The following PPP2R2C variants were observed in gnomAD, a reference collection of about 807,000 sequenced individuals.
The protein encoded by PPP2R2C is protein phosphatase 2 regulatory subunit Bgamma.
Under a neutral mutation model 45.3 loss-of-function variants are expected in PPP2R2C, and 10 were observed. The ratio of observed to expected loss-of-function variants is 0.22; its 90% CI spans 0.14 to 0.37. The LOEUF (loss-of-function observed/expected upper bound fraction) is 0.37. Ranked by LOEUF, PPP2R2C falls within the 10% of genes least tolerant of loss-of-function variation. PPP2R2C has a pLI of 1.00. For missense variants in PPP2R2C, 308 were observed against 619.7 expected (o/e 0.50, Z 5.34); for synonymous variants, 257 against 245.4 (o/e 1.05, Z -0.44).
rs564284897 is a variant in PPP2R2C at position 6,391,741 on chromosome 4, G to A, written c.71-10647C>T. Among the ~76,000 whole-genome samples the A allele has an allele frequency of 1.1e-3, 161 of 152,308 alleles. 1 individual carries two copies. Among genetic ancestry groups the A allele is most frequent in the African/African-American group, 3.7e-3 (153 of 41,572 alleles). ...CCGACACAGTGACCCTTGGGGGAGC[G>A]GCAGCAGGGGAAGCCCTGGGTGGGG... On this transcript the variant is annotated intron_variant, in intron 1 of 8. Coordinates refer to ENST00000382599, the MANE Select transcript of PPP2R2C (RefSeq NM_020416.4).
rs565679477 is a variant in PPP2R2C, at chr4:6,470,803, G to A, written c.70+1357C>T. Among the ~76,000 whole-genome samples the A allele has an allele frequency of 2.2e-4, 33 of 152,218 alleles. No homozygotes were observed. The South Asian group carries it at 6.8e-3, about 32-fold the overall frequency. On this transcript the variant is annotated intron_variant, in intron 1 of 8. Coordinates refer to ENST00000382599, the MANE Select transcript of PPP2R2C (RefSeq NM_020416.4). ...CAGAGCCCCACCGGCCCGGAGGCCC[G>A]GGCAGCCCTGCCCCTCTCTCGCACA... is the stretch of plus-strand genomic sequence containing the variant.
intron 2 of PPP2R2C, among the ~76,000 whole-genome samples, chr4:6,518,855 G>A (rs28521834): frequency 0.016 from 2,413 of 147,314 alleles, 73 homozygotes; most frequent in African/African-American, 0.056. Flanking sequence ...CCCGAGAGGT[G>A]GAGGTTGCAG....
intron 6 of PPP2R2C, among the ~76,000 whole-genome samples, chr4:6,340,989 T>C (rs1431320559): frequency 6.6e-6 from 1 of 152,248 alleles, no homozygotes; most frequent in Non-Finnish European, 1.5e-5. Flanking sequence ...CTGGTCTTTC[T>C]GCAGCAGATC....
chr4:6,333,531 G>A (rs376081625), intron 7 of PPP2R2C, 31 bp downstream of exon 7: 19 of 1,602,388 alleles, frequency 1.2e-5, no homozygotes, highest in South Asian at 4.4e-5. Context: ...AAAAAGACCC[G>A]GGATTGGGGG....
intron 5 of PPP2R2C, chr4:6,350,155 C>T (rs1197514906): frequency 4.1e-6 from 4 of 985,264 alleles, no homozygotes; most frequent in South Asian, 4.7e-5. Context: ...AAAGAAGCAG[C>T]GATTAAATAA....
At position 6,406,525 on chromosome 4, in the gene PPP2R2C, T is replaced by C. The variant is rs76593432; in HGVS notation, c.71-25431A>G. Among the ~76,000 whole-genome samples, 1,068 of 151,806 alleles carry C rather than the reference T, an allele frequency of 7.0e-3. 13 individuals are homozygous for C. The highest frequency in any genetic ancestry group is 0.025 in the African/African-American group (1,017 of 41,384). On this transcript the variant is annotated intron_variant, in intron 1 of 8. Transcript: ENST00000382599. ...CGGGTAGATCGCTTGAGCCCAGGAG[T>C]TCGAGACCAGCCTGGGCAACATTTT...
intron 2 of PPP2R2C, among the ~76,000 whole-genome samples, chr4:6,522,540 C>G (rs542109594): frequency 1.3e-5 from 2 of 152,264 alleles, no homozygotes; most frequent in Admixed American, 1.3e-4. Context: ...GTTCCCCACA[C>G]GGGGATGGCA....
At chr4:6,508,683 T>G (rs1487799496) in intron 2 of PPP2R2C, among the ~76,000 whole-genome samples, 1 of 152,140 alleles carries the variant, frequency 6.6e-6, no homozygotes, top group East Asian at 1.9e-4. Context: ...GGCTCAAACA[T>G]GCACACTAAG....
At chr4:6,347,493 C>T (rs548381258) in intron 6 of PPP2R2C, among the ~76,000 whole-genome samples, 1 of 152,210 alleles carries the variant, frequency 6.6e-6, no homozygotes, top group South Asian at 2.1e-4. Context: ...GGCTGCAGGG[C>T]CACAGAGGAG....
chr4:6,455,656 C>T lies in PPP2R2C; in HGVS notation c.70+16504G>A, dbSNP rs141853184. ...CACTCCCTCTGAGCCCCCTACTCTCCTTTCCAAACTCCCAGAGACTTTTGA... is the reference window on the plus strand; with the variant it reads ...CACTCCCTCTGAGCCCCCTACTCTCTTTTCCAAACTCCCAGAGACTTTTGA... On this transcript the variant is annotated intron_variant, in intron 1 of 8. Coordinates refer to ENST00000382599, the MANE Select transcript of PPP2R2C (RefSeq NM_020416.4). Among the ~76,000 whole-genome samples, 21 of 152,308 alleles carry T rather than the reference C, an allele frequency of 1.4e-4. No homozygotes were observed. The East Asian group carries it at 2.9e-3, about 21-fold the overall frequency.
chr4:6,348,308 C>G (rs983142850), intron 5 of PPP2R2C, among the ~76,000 whole-genome samples: 2 of 151,748 alleles, frequency 1.3e-5, no homozygotes, highest in Non-Finnish European at 2.9e-5. Context: ...TGCATCAGTT[C>G]CAGCCACACA....
At position 6,364,878 on chromosome 4, in the gene PPP2R2C, C is replaced by T. The variant is rs552182678; in HGVS notation, c.625+7645G>A. Among the ~76,000 whole-genome samples the T allele has an allele frequency of 1.9e-4, 29 of 152,216 alleles. No homozygotes were observed. Among genetic ancestry groups the T allele is most frequent in the South Asian group, 6.2e-4 (3 of 4,816 alleles). On this transcript the variant is annotated intron_variant, in intron 5 of 8. Coordinates refer to ENST00000382599, the MANE Select transcript of PPP2R2C (RefSeq NM_020416.4). This position sits in a 1 kb window ranked among gnomAD's most constrained non-coding sequence, Gnocchi z 5.3. ...CAGGTGGGCTCTGGGTGCATTTGGA[C>T]GATGGGATCACAGGACTCATCGAGG...
intron 1 of PPP2R2C, among the ~76,000 whole-genome samples, chr4:6,449,890 G>T (rs543102384): frequency 2.6e-5 from 4 of 152,196 alleles, no homozygotes; most frequent in Admixed American, 2.6e-4. Flanking sequence ...AAAACACCTC[G>T]CCAGAGAGGA....
At chr4:6,492,043 A>T (rs923141767) in intron 2 of PPP2R2C, among the ~76,000 whole-genome samples, 1 of 152,198 alleles carries the variant, frequency 6.6e-6, no homozygotes, top group Non-Finnish European at 1.5e-5. Flanking sequence ...AGGGACAATA[A>T]GGAGGCTTAA....
intron 5 of PPP2R2C, chr4:6,350,799 T>C: frequency 2.0e-6 from 2 of 985,412 alleles, no homozygotes; most frequent in Non-Finnish European, 2.4e-6. Flanking sequence ...CGTGGTCTGC[T>C]GTGACACTGT....
chr4:6,356,511 C>G (rs558758731), intron 5 of PPP2R2C, among the ~76,000 whole-genome samples: 1 of 152,354 alleles, frequency 6.6e-6, no homozygotes, highest in East Asian at 1.9e-4. Context: ...GGGGGTGGCT[C>G]CAGCTCTGCC....
At chr4:6,540,380 T>C (rs34341188) in intron 1 of PPP2R2C, among the ~76,000 whole-genome samples, 42,278 of 152,206 alleles carry the variant, frequency 0.28, 6,080 homozygotes, top group Admixed American at 0.34. Context: ...TCAAGGTTCA[T>C]TGATGTTGTA....
intron 1 of PPP2R2C, among the ~76,000 whole-genome samples, chr4:6,454,711 T>C (rs575825566): frequency 3.3e-5 from 5 of 152,314 alleles, no homozygotes; most frequent in Non-Finnish European, 7.4e-5. Context: ...AGTCATTTGT[T>C]AGGTGGTAAT....
chr4:6,341,128 C>T (rs767159508), intron 6 of PPP2R2C, among the ~76,000 whole-genome samples: 4 of 152,168 alleles, frequency 2.6e-5, no homozygotes, highest in African/African-American at 7.2e-5. Context: ...GATCACCTGA[C>T]GTCAGGAGTT....
Sources: gnomAD v4.1 joint callset for allele counts (sites outside exome capture counted in the v4.1 genomes callset) on GRCh38, gnomAD v4.1.1 for gene constraint, Gnocchi (gnomAD v3.1) non-coding constraint, MANE v1.5 for transcripts, NCBI Gene and HGNC (gene_info 2026-07-23, HGNC 2026-07-21) for gene names.